Variants in INPP4B observed in about 807,000 individuals in gnomAD.
The protein encoded by INPP4B is inositol polyphosphate-4-phosphatase type II B, also known as inositol polyphosphate 4-phosphatase type II.
In INPP4B, 55 loss-of-function variants were observed where a neutral mutation model predicts 122.5. The observed-to-expected ratio is 0.45, with a 90% CI of 0.36 to 0.56. The LOEUF is 0.56. Among genes scored for constraint, INPP4B ranks in the 20% least tolerant of loss-of-function variants. The pLI is 0.00. For synonymous variants in INPP4B, 403 were observed against 388.7 expected, an observed-to-expected ratio of 1.04 and a Z score of -0.43; for missense variants, 1,000 against 1,097.7, an observed-to-expected ratio of 0.91 and a Z score of 1.26.
chr4:142,238,637 A>G (rs921205292), intron 11 of INPP4B, among the ~76,000 whole-genome samples: 5 of 152,124 alleles, frequency 3.3e-5, no homozygotes, highest in African/African-American at 1.2e-4. Flanking sequence ...TCAATAACAC[A>G]CTTTTCTGAA....
chr4:142,829,040 A>G (rs778243810), intron 1 of INPP4B, among the ~76,000 whole-genome samples: 19 of 150,120 alleles, frequency 1.3e-4, no homozygotes, highest in Non-Finnish European at 2.1e-4. Flanking sequence ...GAGGAGGGAG[A>G]TTGAGACTTA....
chr4:142,515,288 G>A (rs987234164), intron 2 of INPP4B, among the ~76,000 whole-genome samples: 3 of 152,104 alleles, frequency 2.0e-5, no homozygotes, highest in Non-Finnish European at 4.4e-5. Flanking sequence ...GATGTGGGGA[G>A]CCTGAACTCC....
chr4:142,807,496 CTACA>C (rs546128235), intron 1 of INPP4B, among the ~76,000 whole-genome samples: 23 of 152,250 alleles, frequency 1.5e-4, no homozygotes, highest in Non-Finnish European at 3.1e-4. Flanking sequence ...ACAGTTTATG[CTACA>C]TAGTTTAGAC....
chr4:142,644,740 TAAAAAAAA>T (rs55700762), intron 2 of INPP4B, among the ~76,000 whole-genome samples: 13 of 71,066 alleles, frequency 1.8e-4, no homozygotes, highest in East Asian at 1.4e-3. Flanking sequence ...CATCTCTACT[TAAAAAAAA>T]AAAAAAAAAA....
At chr4:142,426,058 C>A (rs1207816303) in intron 5 of INPP4B, among the ~76,000 whole-genome samples, 4 of 151,938 alleles carry the variant, frequency 2.6e-5, no homozygotes, top group Non-Finnish European at 5.9e-5. Flanking sequence ...CATATGCATG[C>A]CATTCTTTCC....
At chr4:142,817,342 T>A (rs1469710003) in intron 1 of INPP4B, among the ~76,000 whole-genome samples, 1 of 152,130 alleles carries the variant, frequency 6.6e-6, no homozygotes, top group African/African-American at 2.4e-5. Flanking sequence ...AAATTATCAG[T>A]CACATATCTG....
intron 1 of INPP4B, among the ~76,000 whole-genome samples, chr4:142,789,524 G>C (rs554817479): frequency 2.6e-5 from 4 of 151,894 alleles, no homozygotes; most frequent in Non-Finnish European, 4.4e-5. Context: ...AATGAAGGAG[G>C]TTAGGTATAT....
chr4:142,150,715 T>C (rs1156810716), intron 17 of INPP4B, among the ~76,000 whole-genome samples: 2 of 152,146 alleles, frequency 1.3e-5, no homozygotes, highest in Admixed American at 6.5e-5. Flanking sequence ...AAAATGTTGA[T>C]GGACGTCGCC....
At chr4:142,210,256 T>C (rs918312446) in intron 12 of INPP4B, among the ~76,000 whole-genome samples, 1 of 152,190 alleles carries the variant, frequency 6.6e-6, no homozygotes, top group Non-Finnish European at 1.5e-5. Context: ...TGTGCAAAAA[T>C]GTGACTTGCT....
At chr4:142,393,119 A>G (rs1031251951) in intron 7 of INPP4B, among the ~76,000 whole-genome samples, 1 of 152,222 alleles carries the variant, frequency 6.6e-6, no homozygotes, top group Non-Finnish European at 1.5e-5. Flanking sequence ...CCCTGAAGAC[A>G]TTTAACTTAT....
chr4:142,581,543 AG>A (rs1429761143), intron 2 of INPP4B, among the ~76,000 whole-genome samples: 28 of 68,328 alleles, frequency 4.1e-4, no homozygotes, highest in African/African-American at 1.3e-3. Context: ...AATAGATAGA[AG>A]TTCCATTTCT....
intron 3 of INPP4B, among the ~76,000 whole-genome samples, chr4:142,440,469 A>G (rs1246308249): frequency 6.6e-6 from 1 of 152,224 alleles, no homozygotes; most frequent in Non-Finnish European, 1.5e-5. Flanking sequence ...AGAGAATTGC[A>G]AATAGTTCAG....
chr4:142,230,582 T>C (rs1319476236), intron 12 of INPP4B, among the ~76,000 whole-genome samples: 1 of 148,204 alleles, frequency 6.7e-6, no homozygotes, highest in Non-Finnish European at 1.5e-5. Flanking sequence ...AGGCGAGGTT[T>C]TGGTGAGCCG....
intron 3 of INPP4B, among the ~76,000 whole-genome samples, chr4:142,445,351 T>A (rs938694307): frequency 5.3e-5 from 8 of 151,696 alleles, no homozygotes; most frequent in African/African-American, 1.9e-4. Flanking sequence ...TTTGAACAGA[T>A]AATGACTGAA....
rs11721803 is a variant in INPP4B at position 142,262,104 on chromosome 4, A to G, written c.616-1540T>C. Among the ~76,000 whole-genome samples the G allele has an allele frequency of 9.6e-3, 1,466 of 152,294 alleles. 13 individuals carry two copies. The highest frequency in any genetic ancestry group is 0.015 in the Non-Finnish European group (1,000 of 68,020). On this transcript the variant is annotated intron_variant, in intron 10 of 25. Transcript: ENST00000262992. ...TAAAATTCTAATTTTTCCTATTTTCAATATTACCTCTAATTCTTTTAGCAT... is the reference window on the plus strand; with the variant it reads ...TAAAATTCTAATTTTTCCTATTTTCGATATTACCTCTAATTCTTTTAGCAT...
At chr4:142,339,382 T>C (rs1777917679) in intron 7 of INPP4B, among the ~76,000 whole-genome samples, 1 of 152,220 alleles carries the variant, frequency 6.6e-6, no homozygotes, top group Non-Finnish European at 1.5e-5. Flanking sequence ...TAGGCTCATA[T>C]ACAAAGCACA....
At chr4:142,265,312 C>A (rs1288335597) in intron 10 of INPP4B, among the ~76,000 whole-genome samples, 2 of 152,152 alleles carry the variant, frequency 1.3e-5, no homozygotes, top group Non-Finnish European at 2.9e-5. Flanking sequence ...AAGTTTCATT[C>A]CTTTGTCCCT....
At chr4:142,117,472 G>C (rs6827500) in intron 21 of INPP4B, among the ~76,000 whole-genome samples, 1 of 151,970 alleles carries the variant, frequency 6.6e-6, no homozygotes, top group Non-Finnish European at 1.5e-5. Context: ...CCATGATCAG[G>C]TGGGCTTCAT....
chr4:142,483,149 G>C (rs1820764100), intron 2 of INPP4B, among the ~76,000 whole-genome samples: 1 of 140,370 alleles, frequency 7.1e-6, no homozygotes, highest in Admixed American at 7.3e-5. Context: ...CATAATAATA[G>C]GAATGAGTAA....
Sources: gnomAD v4.1 joint callset for allele counts (sites outside exome capture counted in the v4.1 genomes callset) on GRCh38, gnomAD v4.1.1 for gene constraint, MANE v1.5 for transcripts, NCBI Gene and HGNC (gene_info 2026-07-23, HGNC 2026-07-21) for gene names.